FGF14: variants seen among roughly 807,000 people sequenced by gnomAD.
The protein encoded by FGF14 is fibroblast growth factor homologous factor 4.
A neutral mutation model predicts 25.5 loss-of-function variants in FGF14; 5 were observed. The observed-to-expected ratio is 0.20, with a 90% confidence interval of 0.10 to 0.41. The LOEUF is 0.41. Ranked by LOEUF, FGF14 falls within the 10% of genes least tolerant of loss-of-function variation. FGF14 has a pLI of 1.00. For synonymous variants in FGF14, 138 were observed against 118.3 expected (o/e 1.17, Z -1.08); for missense variants, 222 against 320.1 (o/e 0.69, Z 2.34).
At chr13:101,740,682 A>C (rs2036492864) in intron 3 of FGF14, among the ~76,000 whole-genome samples, 1 of 152,144 alleles carries the variant, frequency 6.6e-6, no homozygotes, top group African/African-American at 2.4e-5. Flanking sequence ...AAAGCGTAAG[A>C]GTATAACATA....
chr13:102,233,511 C>T (rs1036776584), intron 1 of FGF14, among the ~76,000 whole-genome samples: 14 of 152,034 alleles, frequency 9.2e-5, no homozygotes, highest in Non-Finnish European at 1.8e-4. Context: ...GGACTTTTAC[C>T]TGTTTTGTTC....
intron 1 of FGF14, among the ~76,000 whole-genome samples, chr13:102,334,327 C>T (rs1031914683): frequency 4.6e-5 from 7 of 152,138 alleles, no homozygotes; most frequent in African/African-American, 7.2e-5. Context: ...GAAAAATGCA[C>T]GTTGCTTACA....
chr13:101,755,622 G>C (rs980806827), intron 3 of FGF14, among the ~76,000 whole-genome samples: 1 of 152,192 alleles, frequency 6.6e-6, no homozygotes, highest in Admixed American at 6.5e-5. Context: ...GAGAATTGAA[G>C]AAACTGCCTG....
chr13:102,381,488 CAG>C (rs1566975948), intron 1 of FGF14, among the ~76,000 whole-genome samples: 1 of 152,110 alleles, frequency 6.6e-6, no homozygotes, highest in Non-Finnish European at 1.5e-5. Context: ...ATCTTTGAAG[CAG>C]AGAGCAAGCC....
chr13:102,395,926 T>G (rs2058570771), intron 1 of FGF14, among the ~76,000 whole-genome samples: 1 of 152,160 alleles, frequency 6.6e-6, no homozygotes, highest in South Asian at 2.1e-4. Flanking sequence ...ATCCTACCTT[T>G]TACATTCTGA....
rs371916446 is a variant in FGF14, at chr13:101,801,913, G to C, written c.408+66812C>G. 36 of 429,362 alleles carry C rather than the reference G, an allele frequency of 8.4e-5. No homozygotes were observed. In the East Asian group the frequency reaches 2.0e-3, roughly 24 times the overall value. The allele number at this position is 429,362 out of a possible 1,614,324, so 26.6% of individuals were successfully genotyped here. On this transcript the variant is annotated intron_variant, in intron 3 of 4. Coordinates refer to ENST00000376143, the MANE Select transcript of FGF14 (RefSeq NM_004115.4). The stretch of plus-strand genomic sequence containing the variant: ...GTGACACCAAGAAACCAAAGGGTAA[G>C]ATGTCTGCTTGTGCTCTCTTTGTGC...
chr13:101,792,556 G>T (rs1172494872), intron 3 of FGF14, among the ~76,000 whole-genome samples: 2 of 152,090 alleles, frequency 1.3e-5, no homozygotes, highest in Non-Finnish European at 2.9e-5. Flanking sequence ...ATAGAAAAGG[G>T]TTATTGATTT....
At chr13:102,381,605 C>T (rs1158926013) in intron 1 of FGF14, among the ~76,000 whole-genome samples, 2 of 152,042 alleles carry the variant, frequency 1.3e-5, no homozygotes, top group Non-Finnish European at 2.9e-5. Flanking sequence ...GTTATAGCAG[C>T]CGGAATGGGC....
At chr13:102,338,532 T>C (rs2056854116) in intron 1 of FGF14, among the ~76,000 whole-genome samples, 1 of 152,110 alleles carries the variant, frequency 6.6e-6, no homozygotes. Context: ...CCATGTTTAA[T>C]GAACATAAGT....
chr13:102,073,683 G>T (rs929639327), intron 1 of FGF14, among the ~76,000 whole-genome samples: 1 of 152,098 alleles, frequency 6.6e-6, no homozygotes, highest in African/African-American at 2.4e-5. Context: ...CATGCTAACT[G>T]GGAAAAAGCA....
At chr13:102,358,437 T>C (rs897290752) in intron 1 of FGF14, among the ~76,000 whole-genome samples, 2 of 152,182 alleles carry the variant, frequency 1.3e-5, no homozygotes, top group Non-Finnish European at 1.5e-5. Context: ...ACTGTTTTGC[T>C]AGGAGGACTG....
At chr13:102,005,641 A>C (rs2039744787) in intron 1 of FGF14, among the ~76,000 whole-genome samples, 1 of 152,230 alleles carries the variant, frequency 6.6e-6, no homozygotes, top group African/African-American at 2.4e-5. Context: ...ACGTTTTTAA[A>C]GGCTTCTCAG....
At chr13:102,071,480 T>A (rs1407932508) in intron 1 of FGF14, among the ~76,000 whole-genome samples, 1 of 152,190 alleles carries the variant, frequency 6.6e-6, no homozygotes, top group African/African-American at 2.4e-5. Flanking sequence ...TACTATTTGT[T>A]TTACTTTTCC....
chr13:102,270,424 C>T (rs1315460611), intron 1 of FGF14, among the ~76,000 whole-genome samples: 2 of 152,112 alleles, frequency 1.3e-5, no homozygotes, highest in African/African-American at 4.8e-5. Context: ...AATCTCAAAA[C>T]ATTTCTCTAT....
intron 1 of FGF14, among the ~76,000 whole-genome samples, chr13:102,270,302 A>G (rs2053186462): frequency 6.6e-6 from 1 of 151,974 alleles, no homozygotes; most frequent in African/African-American, 2.4e-5. Context: ...CATAATTTTT[A>G]CTCTGATTTT....
At chr13:102,234,802 C>T (rs541666296) in intron 1 of FGF14, among the ~76,000 whole-genome samples, 31 of 152,168 alleles carry the variant, frequency 2.0e-4, no homozygotes, top group Non-Finnish European at 3.7e-4. Context: ...ATCTCCCCAG[C>T]GATGTGTATG....
At chr13:101,936,967 G>T (rs1169009332) in intron 1 of FGF14, among the ~76,000 whole-genome samples, 3 of 152,140 alleles carry the variant, frequency 2.0e-5, no homozygotes, top group African/African-American at 7.2e-5. Flanking sequence ...GGGTAGAGAT[G>T]GGGGTGTTTG....
chr13:101,939,561 T>C (rs1297725143), intron 1 of FGF14, among the ~76,000 whole-genome samples: 1 of 152,216 alleles, frequency 6.6e-6, no homozygotes, highest in African/African-American at 2.4e-5. Flanking sequence ...GGGTGTTGGG[T>C]TAATGCGAAA....
chr13:102,000,484 T>C (rs1348442786), intron 1 of FGF14, among the ~76,000 whole-genome samples: 1 of 152,222 alleles, frequency 6.6e-6, no homozygotes, highest in Non-Finnish European at 1.5e-5. Context: ...GACCATTAAC[T>C]CTAGGTGATA....
Sources: allele counts gnomAD v4.1 joint callset (sites outside exome capture counted in the v4.1 genomes callset), GRCh38; gene constraint gnomAD v4.1.1; transcripts MANE v1.5; gene names NCBI Gene and HGNC (gene_info 2026-07-23, HGNC 2026-07-21).